Variants in USP34 observed in about 807,000 individuals in gnomAD.
The protein encoded by USP34 is ubiquitin carboxyl-terminal hydrolase 34.
USP34 carries 70 observed loss-of-function variants against 460.3 expected under a neutral mutation model. The ratio of observed to expected loss-of-function variants is 0.15; its 90% confidence interval spans 0.13 to 0.19. The LOEUF is 0.19. USP34 is among the 10% of genes least tolerant of loss of function. USP34 has a pLI of 1.00. For synonymous variants in USP34, 1,647 were observed against 1,405.3 expected (o/e 1.17, Z -3.85); for missense variants, 3,985 against 4,236.2 (o/e 0.94, Z 1.65).
chr2:61,295,132 A>T, intron 31 of USP34, 36 bp downstream of exon 31: 2 of 1,599,368 alleles, frequency 1.3e-6, no homozygotes, highest in South Asian at 1.1e-5. Context: ...CAGAGAGAAT[A>T]CAAACATTTA....
At chr2:61,286,970 T>C (rs1175146001) in intron 34 of USP34, among the ~76,000 whole-genome samples, 1 of 152,194 alleles carries the variant, frequency 6.6e-6, no homozygotes, top group Admixed American at 6.5e-5. Context: ...TAGAGCATTA[T>C]TATAACCTGG....
At chr2:61,202,028 C>A (rs149151368) in intron 75 of USP34, among the ~76,000 whole-genome samples, 1 of 152,130 alleles carries the variant, frequency 6.6e-6, no homozygotes, top group Non-Finnish European at 1.5e-5. Context: ...TTCCAGCCAT[C>A]CATATATAAA....
rs569331381 is a variant in USP34 at position 61,425,109 on chromosome 2, T to A, written c.44-4276A>T. 3.3e-5 allele frequency among the ~76,000 whole-genome samples: 5 copies of A among 152,262 alleles called. No homozygotes were observed. In the South Asian group the frequency reaches 1.0e-3, roughly 32 times the overall value. ...ACAGGTGTGGCCCACTGCGCCCAGCTGCCACTGATTTTTTAGACTGAAAAC... is the reference window on the plus strand; with the variant it reads ...ACAGGTGTGGCCCACTGCGCCCAGCAGCCACTGATTTTTTAGACTGAAAAC... On this transcript the variant is annotated intron_variant, in intron 1 of 79. Coordinates refer to ENST00000398571, the MANE Select transcript of USP34 (RefSeq NM_014709.4).
At chr2:61,341,092 T>G (rs1161147943) in intron 16 of USP34, among the ~76,000 whole-genome samples, 2 of 152,292 alleles carry the variant, frequency 1.3e-5, no homozygotes, top group South Asian at 2.1e-4. Flanking sequence ...ATACACAGTA[T>G]GTACTTTCTT....
At chr2:61,412,526 T>C (rs151025402) in intron 2 of USP34, among the ~76,000 whole-genome samples, 1 of 152,044 alleles carries the variant, frequency 6.6e-6, no homozygotes, top group East Asian at 1.9e-4. Flanking sequence ...TAGCAATTTG[T>C]AAAATTCAAC....
chr2:61,341,625 T>A (rs1691603829), intron 16 of USP34, among the ~76,000 whole-genome samples: 1 of 152,038 alleles, frequency 6.6e-6, no homozygotes, highest in Non-Finnish European at 1.5e-5. Context: ...CTTCACATTC[T>A]ACCATGATTG....
At chr2:61,280,600 G>A (rs1443887226) in intron 38 of USP34, among the ~76,000 whole-genome samples, 2 of 151,960 alleles carry the variant, frequency 1.3e-5, no homozygotes, top group Non-Finnish European at 2.9e-5. Context: ...TGAACAGGGA[G>A]GAAAATAATG....
intron 1 of USP34, among the ~76,000 whole-genome samples, chr2:61,452,498 T>C (rs1436299318): frequency 6.6e-6 from 1 of 151,782 alleles, no homozygotes; most frequent in Non-Finnish European, 1.5e-5. Flanking sequence ...CTAATTTTTG[T>C]ATTTTGGGTA....
At chr2:61,383,703 G>A (rs1693048186) in intron 5 of USP34, among the ~76,000 whole-genome samples, 1 of 152,108 alleles carries the variant, frequency 6.6e-6, no homozygotes, top group South Asian at 2.1e-4. Context: ...CTGGGCAACG[G>A]AGCGAGACTC....
intron 1 of USP34, among the ~76,000 whole-genome samples, chr2:61,446,868 T>C (rs1695134715): frequency 6.6e-6 from 1 of 151,910 alleles, no homozygotes; most frequent in Admixed American, 6.6e-5. Flanking sequence ...CATAATTTTA[T>C]AACATAATAT....
Position 61,450,809 on chromosome 2 carries a change from C to G in USP34, c.43+19841G>C, listed in dbSNP as rs184702029. Among the ~76,000 whole-genome samples, 6 of 149,838 alleles carry G rather than the reference C, an allele frequency of 4.0e-5. No homozygotes were observed. In the East Asian group the frequency reaches 1.2e-3, roughly 29 times the overall value. On this transcript the variant is annotated intron_variant, in intron 1 of 79. Transcript: ENST00000398571. ...CATTATTTCCTTTCGGGAAAGACAC[C>G]GTAAGATGTCAACTCTTACCCCACT...
Position 61,188,664 on chromosome 2 carries a change from T to A in USP34, c.10079A>T (p.Asp3360Val). Residue 3360 changes from aspartate (D) to valine (V), a missense_variant, in exon 80 of 80, where the codon GAT becomes GTT. Physicochemically the swap from Asp to Val is radical, Grantham distance 152 (BLOSUM62 -3). Around this residue, in one of 14 missense-constraint regions of USP34, gnomAD observed 506 missense variants for 439.0 expected, o/e 1.15. Transcript: ENST00000398571. ...TPIKRRRVSS[D>V]EEHTVDSCIS... ...GCAGCTGTCTACAGTGTGCTCCTCA[T>A]CACTGCTAACACGCCGCCTTTTAAT... 6.2e-7 allele frequency: 1 copy of A among 1,614,186 alleles called. No homozygotes were observed. Among genetic ancestry groups the A allele is most frequent in the Non-Finnish European group, 8.5e-7 (1 of 1,180,038 alleles).
At position 61,188,590 on chromosome 2, in the gene USP34, T is replaced by C. The variant is rs1260326764; in HGVS notation, c.10153A>G (p.Thr3385Ala). 2 of 1,614,106 alleles carry C rather than the reference T, an allele frequency of 1.2e-6. No homozygotes were observed. The highest frequency in any genetic ancestry group is 1.7e-5 in the Admixed American group (1 of 60,002). Residue 3385 changes from threonine to alanine, a missense_variant, in exon 80 of 80, where the codon ACT (threonine) becomes GCT (alanine). Coordinates refer to ENST00000398571, the MANE Select transcript of USP34 (RefSeq NM_014709.4). ...GAGTCTCTGGTCTCATTGTCAGAAG[T>C]GCTCGTTGGGGTCAGGACCTCCCTG... Reference protein sequence around the residue: ...ETREVLTPTSTSDNETRDSSI... With the variant: ...ETREVLTPTSASDNETRDSSI...
chr2:61,376,219 A>C (rs1294930590), intron 8 of USP34, among the ~76,000 whole-genome samples: 1 of 145,906 alleles, frequency 6.9e-6, no homozygotes, highest in East Asian at 1.9e-4. Flanking sequence ...TTATATGTTA[A>C]TAAAACTGCT....
At chr2:61,334,680 G>GA (rs1293640825) in intron 18 of USP34, among the ~76,000 whole-genome samples, 2 of 152,134 alleles carry the variant, frequency 1.3e-5, no homozygotes, top group Admixed American at 1.3e-4. Flanking sequence ...ATGCAATGTG[G>GA]AAGCAAGTAT....
At chr2:61,294,351 A>C (rs1292358195) in intron 32 of USP34, among the ~76,000 whole-genome samples, 2 of 134,510 alleles carry the variant, frequency 1.5e-5, no homozygotes, top group Non-Finnish European at 3.3e-5. Context: ...ATTTCAAAAA[A>C]AAAAAATTTA....
chr2:61,333,731 G>A (rs779466534), intron 19 of USP34, 151 bp downstream of exon 19: 28 of 450,658 alleles, frequency 6.2e-5, no homozygotes, highest in Non-Finnish European at 1.0e-4. Context: ...CTCTACAGGG[G>A]TAAGTGGCAG....
chr2:61,268,308 C>T (rs191477718), intron 41 of USP34, among the ~76,000 whole-genome samples: 4 of 151,850 alleles, frequency 2.6e-5, no homozygotes, highest in Admixed American at 2.6e-4. Flanking sequence ...GTGAAATGTG[C>T]TCCCCAATGT....
chr2:61,287,724 A>C (rs1689731259), intron 34 of USP34, among the ~76,000 whole-genome samples: 2 of 152,240 alleles, frequency 1.3e-5, no homozygotes, highest in Admixed American at 6.5e-5. Context: ...ATTAACATAC[A>C]AAATATGCAT....
Sources: gnomAD v4.1 joint callset for allele counts (sites outside exome capture counted in the v4.1 genomes callset) on GRCh38, gnomAD v4.1.1 for gene constraint, gnomAD v4.1.1 regional missense constraint, MANE v1.5 for transcripts, NCBI Gene and HGNC (gene_info 2026-07-23, HGNC 2026-07-21) for gene names.